The following DLG1 variants were observed in gnomAD, a reference collection of about 807,000 sequenced individuals.
DLG1 encodes discs large MAGUK scaffold protein 1, also known as disks large homolog 1.
In DLG1, 42 loss-of-function variants were observed where a neutral mutation model predicts 123.4. The observed-to-expected ratio is 0.34, with a 90% CI of 0.27 to 0.44. DLG1 has a LOEUF of 0.44. Among genes scored for constraint, DLG1 ranks in the 20% least tolerant of loss-of-function variants. The probability of loss-of-function intolerance (pLI) is 1.00; values close to 1 mark genes in which losing one functional copy is unlikely to be tolerated. For synonymous variants in DLG1, 317 were observed against 356.2 expected, an observed-to-expected ratio of 0.89 and a Z score of 1.24; for missense variants, 942 against 1,082.6, an observed-to-expected ratio of 0.87 and a Z score of 1.82.
chr3:197,270,337 G>A (rs1266792479), intron 4 of DLG1, among the ~76,000 whole-genome samples: 1 of 151,860 alleles, frequency 6.6e-6, no homozygotes, highest in African/African-American at 2.4e-5. Context: ...AAAATTTCTC[G>A]GTATACAGTG....
intron 4 of DLG1, among the ~76,000 whole-genome samples, chr3:197,256,049 C>T (rs757878300): frequency 1.3e-5 from 2 of 152,182 alleles, no homozygotes; most frequent in Admixed American, 6.5e-5. Context: ...TACTACTGAA[C>T]AGGAAGAATG....
chr3:197,284,696 A>T (rs1560154158), intron 3 of DLG1, among the ~76,000 whole-genome samples: 1 of 152,232 alleles, frequency 6.6e-6, no homozygotes, highest in Admixed American at 6.5e-5. Context: ...GATACACTAC[A>T]GCAAGCAAGA....
intron 5 of DLG1, among the ~76,000 whole-genome samples, chr3:197,186,606 A>T (rs892544192): frequency 1.2e-4 from 10 of 82,890 alleles, no homozygotes; most frequent in African/African-American, 4.4e-4. Context: ...TATGACTATG[A>T]GGAATATTTA....
At chr3:197,199,603 C>CA (rs1405966853) in intron 4 of DLG1, among the ~76,000 whole-genome samples, 2 of 151,930 alleles carry the variant, frequency 1.3e-5, no homozygotes, top group East Asian at 3.8e-4. Flanking sequence ...TGTAATTATT[C>CA]AAAAAAGAGA....
chr3:197,183,645 T>A, intron 5 of DLG1: 1 of 1,550,570 alleles, frequency 6.4e-7, no homozygotes, highest in East Asian at 2.4e-5. Context: ...TGCAACTATC[T>A]GCTGCCAGCG....
chr3:197,289,194 A>AC (rs1215548753), intron 3 of DLG1, among the ~76,000 whole-genome samples: 1 of 152,224 alleles, frequency 6.6e-6, no homozygotes, highest in Non-Finnish European at 1.5e-5. Flanking sequence ...TAAATTTCTG[A>AC]AGGCTTTTCA....
At chr3:197,049,234 CA>C (rs1285739449) in intron 24 of DLG1, among the ~76,000 whole-genome samples, 1 of 151,902 alleles carries the variant, frequency 6.6e-6, no homozygotes, top group African/African-American at 2.4e-5. Context: ...GGAGAATCAA[CA>C]GAACCCAGGA....
Position 197,075,956 on chromosome 3 carries a change from G to C in DLG1, c.2005+630C>G, listed in dbSNP as rs1004317492. 16 of 1,147,094 alleles carry C rather than the reference G, an allele frequency of 1.4e-5. No individual in the cohort carries two copies. In the East Asian group the frequency reaches 3.6e-4, roughly 26 times the overall value. 71.1% of individuals were successfully genotyped at this position (1,147,094 alleles called of 1,614,324 possible). A position where few individuals can be genotyped will look rare whatever the true frequency, so the allele number is the denominator to read the frequency against. On this transcript the variant is annotated intron_variant, in intron 18 of 24. Coordinates refer to ENST00000667157, the MANE Select transcript of DLG1 (RefSeq NM_001366207.1). The stretch of plus-strand genomic sequence containing the variant: ...AGTAATGCATAAAATTGGTGCTACA[G>C]TAAGAGACAGTTCCAAGACCATTAC...
At chr3:197,125,942 C>T (rs1436162394) in intron 11 of DLG1, among the ~76,000 whole-genome samples, 2 of 152,106 alleles carry the variant, frequency 1.3e-5, no homozygotes, top group African/African-American at 2.4e-5. Context: ...GTGCAGGCTT[C>T]AGAAGAACTG....
intron 18 of DLG1, among the ~76,000 whole-genome samples, chr3:197,073,855 G>A (rs190853413): frequency 1.3e-5 from 2 of 151,802 alleles, no homozygotes; most frequent in Admixed American, 6.6e-5. Context: ...AATAGGTTCG[G>A]TTCTCTGGAA....
intron 4 of DLG1, among the ~76,000 whole-genome samples, chr3:197,248,074 C>T (rs1752618517): frequency 6.6e-6 from 1 of 152,162 alleles, no homozygotes; most frequent in Non-Finnish European, 1.5e-5. Context: ...CTTACTCACT[C>T]TACACTTAAT....
At position 197,043,703 on chromosome 3, in the gene DLG1, G is replaced by C. The variant is rs956905506; in HGVS notation, c.*920C>G. 6.6e-6 allele frequency: 1 copy of C among 151,574 alleles called. No individual in the cohort carries two copies. Among genetic ancestry groups the C allele is most frequent in the Non-Finnish European group, 1.5e-5 (1 of 67,876 alleles). The allele number at this position is 151,574 out of a possible 1,614,324, so 9.4% of individuals were successfully genotyped here. A position where few individuals can be genotyped will look rare whatever the true frequency, so the allele number is the denominator to read the frequency against. Reference sequence around the variant, plus strand: ...ATAACAAAATAGGCAGCTATTGTGGGTAAAATATTCAGTAAAATCTGACTC... The same window carrying C: ...ATAACAAAATAGGCAGCTATTGTGGCTAAAATATTCAGTAAAATCTGACTC... On this transcript the variant is annotated 3_prime_UTR_variant, in exon 25 of 25. Coordinates refer to ENST00000667157, the MANE Select transcript of DLG1 (RefSeq NM_001366207.1).
intron 4 of DLG1, among the ~76,000 whole-genome samples, chr3:197,265,620 G>A (rs1426486763): frequency 6.6e-6 from 1 of 152,112 alleles, no homozygotes; most frequent in Non-Finnish European, 1.5e-5. Context: ...GAAACTTCAA[G>A]GTGAGGAAAA....
intron 14 of DLG1, among the ~76,000 whole-genome samples, chr3:197,093,488 C>G (rs1164090460): frequency 6.6e-6 from 1 of 152,068 alleles, no homozygotes; most frequent in Non-Finnish European, 1.5e-5. Context: ...TACACATTTC[C>G]CTGCTTTGCT....
intron 13 of DLG1, among the ~76,000 whole-genome samples, chr3:197,114,750 A>T (rs982307419): frequency 6.6e-6 from 1 of 152,112 alleles, no homozygotes; most frequent in African/African-American, 2.4e-5. Flanking sequence ...TGGGAGGCCG[A>T]GGTGGGAGGA....
chr3:197,296,954 G>GT, intron 2 of DLG1: 1 of 446,980 alleles, frequency 2.2e-6, no homozygotes, highest in Non-Finnish European at 3.9e-6. Context: ...GACATCTGTT[G>GT]GGGGGGGGCT....
chr3:197,179,651 G>A lies in DLG1; in HGVS notation c.483+14774C>T, dbSNP rs144471773. ...CTAACTCTAATGTAGCACTTACTCT[G>A]TGTCAGATGCTGTCCTAAGTACTTT... On this transcript the variant is annotated intron_variant, in intron 5 of 24. Coordinates refer to ENST00000667157, the MANE Select transcript of DLG1 (RefSeq NM_001366207.1). Among the ~76,000 whole-genome samples, 36 of 152,242 alleles carry A rather than the reference G, an allele frequency of 2.4e-4. No homozygotes were observed. In the East Asian group the frequency reaches 6.6e-3, roughly 28 times the overall value.
intron 4 of DLG1, among the ~76,000 whole-genome samples, chr3:197,275,599 T>C (rs989410957): frequency 1.3e-5 from 2 of 152,230 alleles, no homozygotes; most frequent in Admixed American, 1.3e-4. Flanking sequence ...TGCAGCATCA[T>C]GGATGAGCCT....
At chr3:197,051,192 G>A (rs577991310) in intron 24 of DLG1, among the ~76,000 whole-genome samples, 8 of 152,110 alleles carry the variant, frequency 5.3e-5, no homozygotes, top group African/African-American at 1.7e-4. Flanking sequence ...TGACCAACAC[G>A]GCGAAACCCC....
Sources: gnomAD v4.1 joint callset for allele counts (sites outside exome capture counted in the v4.1 genomes callset) on GRCh38, gnomAD v4.1.1 for gene constraint, MANE v1.5 for transcripts, NCBI Gene and HGNC (gene_info 2026-07-23, HGNC 2026-07-21) for gene names.